ATAD2B: variants seen among roughly 807,000 people sequenced by gnomAD.
ATAD2B encodes the protein ATPase family AAA domain-containing protein 2B.
In ATAD2B, 40 loss-of-function variants were observed where a neutral mutation model predicts 167.6. That is an observed-to-expected ratio of 0.24 (90% CI 0.19 to 0.31). The LOEUF (loss-of-function observed/expected upper bound fraction) is 0.31. Among genes scored for constraint, ATAD2B ranks in the 10% least tolerant of loss-of-function variants. The pLI, the probability that ATAD2B is intolerant of heterozygous loss-of-function variation, is 1.00. For synonymous variants in ATAD2B, 579 were observed against 596.5 expected (o/e 0.97, Z 0.43); for missense variants, 1,242 against 1,757.2 (o/e 0.71, Z 5.24).
intron 6 of ATAD2B, among the ~76,000 whole-genome samples, chr2:23,883,979 A>G (rs1021628212): frequency 3.9e-5 from 6 of 152,204 alleles, no homozygotes; most frequent in Middle Eastern, 3.4e-3. Flanking sequence ...ACCCCTCTCT[A>G]CTAAAAATAC....
intron 27 of ATAD2B, 104 bp from the exon 28 acceptor site, chr2:23,752,191 A>G: frequency 2.5e-6 from 2 of 803,322 alleles, no homozygotes; most frequent in Non-Finnish European, 4.1e-6. Flanking sequence ...AATTTGAGAT[A>G]CAGGTTAAAC....
chr2:23,829,535 A>G (rs1460670880), intron 14 of ATAD2B, among the ~76,000 whole-genome samples: 1 of 152,138 alleles, frequency 6.6e-6, no homozygotes, highest in African/African-American at 2.4e-5. Flanking sequence ...AGGATCGTTT[A>G]TGTCCAGGAG....
intron 13 of ATAD2B, among the ~76,000 whole-genome samples, chr2:23,844,002 C>G (rs1330317383): frequency 6.6e-6 from 1 of 152,216 alleles, no homozygotes. Flanking sequence ...GCAGTGGCGT[C>G]ATCTCAGCTC....
At chr2:23,696,575 C>T in the ATAD2B span, 10 of 1,327,904 alleles carry the variant, frequency 7.5e-6, no homozygotes, top group Non-Finnish European at 1.0e-5. The surrounding 1 kb of genome is among the most constrained non-coding windows in gnomAD (Gnocchi z 5.5). Flanking sequence ...GAAATCACGT[C>T]ACTCACTGTA....
chr2:23,825,392 C>T (rs916184631), intron 15 of ATAD2B, among the ~76,000 whole-genome samples: 2 of 152,110 alleles, frequency 1.3e-5, no homozygotes, highest in Non-Finnish European at 2.9e-5. Context: ...AAGCAGATTA[C>T]GCATTAACAT....
the ATAD2B span, among the ~76,000 whole-genome samples, chr2:23,730,530 G>A: frequency 6.6e-6 from 1 of 151,592 alleles, no homozygotes; most frequent in Non-Finnish European, 1.5e-5. Context: ...GCCGGGTGTG[G>A]TGGTGGGCAC....
At chr2:23,778,064 C>T (rs1164853784) in intron 22 of ATAD2B, among the ~76,000 whole-genome samples, 1 of 151,928 alleles carries the variant, frequency 6.6e-6, no homozygotes, top group Non-Finnish European at 1.5e-5. Context: ...ATGTAATTTC[C>T]ACTTGCTACA....
intron 20 of ATAD2B, 168 bp downstream of exon 20, chr2:23,788,344 T>G (rs1681134312): frequency 1.8e-5 from 13 of 704,368 alleles, no homozygotes; most frequent in Non-Finnish European, 3.0e-5. Flanking sequence ...CTTCCCAATC[T>G]CAAGTCAGGT....
At chr2:23,799,296 G>A (rs1484841611) in intron 18 of ATAD2B, among the ~76,000 whole-genome samples, 1 of 152,010 alleles carries the variant, frequency 6.6e-6, no homozygotes, top group African/African-American at 2.4e-5. Flanking sequence ...AATTTAGCTG[G>A]GCACGGTGGC....
chr2:23,922,836 CTT>C (rs1163876482), intron 1 of ATAD2B, among the ~76,000 whole-genome samples: 2 of 151,980 alleles, frequency 1.3e-5, no homozygotes, highest in African/African-American at 4.8e-5. Flanking sequence ...CAAAATGGCT[CTT>C]GTCAAAAAGA....
At chr2:23,899,743 A>AC (rs1700573744) in intron 1 of ATAD2B, among the ~76,000 whole-genome samples, 1 of 151,958 alleles carries the variant, frequency 6.6e-6, no homozygotes, top group Admixed American at 6.6e-5. Context: ...GGCACATGCC[A>AC]CCACGCCCAG....
At chr2:23,680,623 CTCTCTAGGCCATCTTCTCCTGGGG>C in the ATAD2B span, among the ~76,000 whole-genome samples, 18 of 152,182 alleles carry the variant, frequency 1.2e-4, no homozygotes, top group East Asian at 1.2e-3. The surrounding 1 kb of genome is among the most constrained non-coding windows in gnomAD (Gnocchi z 4.1). Flanking sequence ...GGGTCATGGG[CTCTCTAGGCCATCTTCTCCTGGGG>C]TCTCTAGGCC....
Position 23,834,010 on chromosome 2 carries a change from C to G in ATAD2B, c.1637G>C (p.Gly546Ala). The part of the protein sequence containing the change: ...LDNRGEIVVI[G>A]ATNRLDSIDP... ...TATAGAGTCAAGTCTGTTTGTAGCA[C>G]CAATAACAACAATTTCACCCCTATT... The change falls in exon 14 of 28, where the codon GGT becomes GCT. Residue 546 changes from glycine to alanine, a missense_variant. Gly to Ala is a moderately conservative substitution (Grantham distance 60). Transcript: ENST00000238789. 6.2e-7 allele frequency: 1 copy of G among 1,612,612 alleles called. No homozygotes were observed. Among genetic ancestry groups the G allele is most frequent in the Non-Finnish European group, 8.5e-7 (1 of 1,178,928 alleles).
intron 22 of ATAD2B, among the ~76,000 whole-genome samples, chr2:23,778,801 G>T (rs1352023545): frequency 6.6e-6 from 1 of 152,178 alleles, no homozygotes; most frequent in African/African-American, 2.4e-5. Context: ...GGCTTAATTT[G>T]ATCAAAGTTA....
chr2:23,757,328 C>A, intron 25 of ATAD2B, 90 bp downstream of exon 25: 1 of 982,664 alleles, frequency 1.0e-6, no homozygotes. Flanking sequence ...AATTATTCAT[C>A]AACTATTACT....
chr2:23,796,475 G>A (rs1372468557), intron 19 of ATAD2B, among the ~76,000 whole-genome samples: 1 of 152,020 alleles, frequency 6.6e-6, no homozygotes, highest in Non-Finnish European at 1.5e-5. Context: ...AACAGAAGTA[G>A]GTAAAATAAA....
chr2:23,885,923 G>A (rs903163689), intron 4 of ATAD2B, 94 bp from the exon 5 acceptor site: 1 of 712,870 alleles, frequency 1.4e-6, no homozygotes, highest in Middle Eastern at 2.4e-4. Context: ...CATCTCTGAT[G>A]TGTAACTACA....
chr2:23,751,412 A>G lies in ATAD2B; in HGVS notation c.*634T>C, dbSNP rs1419382172. 2 of 152,110 alleles carry G rather than the reference A, an allele frequency of 1.3e-5. No individual in the cohort carries two copies. The highest frequency in any genetic ancestry group is 4.8e-5 in the African/African-American group (2 of 41,430). 9.4% of individuals were successfully genotyped at this position (152,110 alleles called of 1,614,324 possible). A position where few individuals can be genotyped will look rare whatever the true frequency, so the allele number is the denominator to read the frequency against. On this transcript the variant is annotated 3_prime_UTR_variant, in exon 28 of 28. Coordinates refer to ENST00000238789, the MANE Select transcript of ATAD2B (RefSeq NM_017552.4). ...TTTTCAAGGTTGTGACCAAAGAAATATTTCTAATTTATTTGCTTCAAACAG... is the reference window on the plus strand; with the variant it reads ...TTTTCAAGGTTGTGACCAAAGAAATGTTTCTAATTTATTTGCTTCAAACAG...
the ATAD2B span, among the ~76,000 whole-genome samples, chr2:23,714,641 G>T: frequency 2.6e-5 from 4 of 151,724 alleles, no homozygotes; most frequent in African/African-American, 9.7e-5. Context: ...AATCACTTGA[G>T]GTCAGGAGTT....
Sources: allele counts gnomAD v4.1 joint callset (sites outside exome capture counted in the v4.1 genomes callset), GRCh38; gene constraint gnomAD v4.1.1; non-coding constraint Gnocchi (gnomAD v3.1); transcripts MANE v1.5; gene names NCBI Gene and HGNC (gene_info 2026-07-23, HGNC 2026-07-21).